NPAS3: variants seen among roughly 807,000 people sequenced by gnomAD.
NPAS3 encodes neuronal PAS domain protein 3.
NPAS3 carries 14 observed loss-of-function variants against 73.1 expected under a neutral mutation model. The observed-to-expected ratio is 0.19, with a 90% CI of 0.13 to 0.30. The LOEUF (loss-of-function observed/expected upper bound fraction) is 0.30. Among genes scored for constraint, NPAS3 ranks in the 10% least tolerant of loss-of-function variants. The probability of loss-of-function intolerance (pLI) is 1.00; values close to 1 mark genes in which losing one functional copy is unlikely to be tolerated. For synonymous variants in NPAS3, 620 were observed against 541.5 expected (o/e 1.14, Z -2.01); for missense variants, 1,096 against 1,250.0 (o/e 0.88, Z 1.86).
Position 33,470,953 on chromosome 14 carries a change from G to A in NPAS3, c.469-89168G>A, listed in dbSNP as rs116590345. The stretch of plus-strand genomic sequence containing the variant: ...ATATTTAAAAAAAAAAAAAAAGAAT[G>A]TTCTCTTTATGAAGTGGATACCAAC... On this transcript the variant is annotated intron_variant, in intron 4 of 11. Coordinates refer to ENST00000356141, the Ensembl canonical transcript of NPAS3. Among the ~76,000 whole-genome samples the A allele has an allele frequency of 1.7e-3, 252 of 147,766 alleles. 1 individual carries two copies. The highest frequency in any genetic ancestry group is 6.0e-3 in the African/African-American group (228 of 38,314).
chr14:33,564,899 C>A (rs115815280), intron 5 of NPAS3, among the ~76,000 whole-genome samples: 6 of 152,246 alleles, frequency 3.9e-5, no homozygotes, highest in Non-Finnish European at 8.8e-5. Flanking sequence ...AAATACCCTA[C>A]GTGCCAGCTA....
At chr14:33,736,281 A>G (rs1054150305) in intron 7 of NPAS3, among the ~76,000 whole-genome samples, 3 of 152,224 alleles carry the variant, frequency 2.0e-5, no homozygotes, top group African/African-American at 7.2e-5. Context: ...TCAGGAGACT[A>G]GCAGCTGTAT....
At chr14:33,139,546 A>C (rs1307879050) in intron 2 of NPAS3, among the ~76,000 whole-genome samples, 10 of 152,112 alleles carry the variant, frequency 6.6e-5, no homozygotes, top group Admixed American at 6.6e-4. Context: ...AATTATTTTT[A>C]AGCCCTGAGT....
chr14:33,460,671 A>G (rs2050220697), intron 4 of NPAS3, among the ~76,000 whole-genome samples: 1 of 152,176 alleles, frequency 6.6e-6, no homozygotes, highest in Non-Finnish European at 1.5e-5. Flanking sequence ...CCTCTTTTGC[A>G]AATTGATTCT....
At chr14:33,095,657 C>T (rs1441613770) in intron 2 of NPAS3, among the ~76,000 whole-genome samples, 5 of 97,634 alleles carry the variant, frequency 5.1e-5, no homozygotes, top group Non-Finnish European at 6.0e-5. Context: ...GCATTCTCTG[C>T]TTTTATTTTT....
intron 4 of NPAS3, among the ~76,000 whole-genome samples, chr14:33,489,257 CAATAT>C (rs1054029890): frequency 3.4e-4 from 51 of 152,044 alleles, no homozygotes; most frequent in African/African-American, 1.2e-3. Context: ...GAAGGAAAGT[CAATAT>C]AATATAGGGA....
At chr14:33,073,527 C>T (rs1364733769) in intron 2 of NPAS3, among the ~76,000 whole-genome samples, 1 of 152,072 alleles carries the variant, frequency 6.6e-6, no homozygotes, top group Admixed American at 6.6e-5. Context: ...TGTACAAGTC[C>T]AGAGAGCAAA....
At chr14:32,946,346 G>GCACACACACACACACACACA (rs5807694) in intron 1 of NPAS3, among the ~76,000 whole-genome samples, 9 of 131,872 alleles carry the variant, frequency 6.8e-5, no homozygotes, top group Non-Finnish European at 1.3e-4. Flanking sequence ...ACACACACAC[G>GCACACACACACACACACACA]CGCACACACA....
intron 2 of NPAS3, among the ~76,000 whole-genome samples, chr14:33,086,152 TG>T (rs2042018922): frequency 6.6e-6 from 1 of 152,196 alleles, no homozygotes; most frequent in African/African-American, 2.4e-5. Context: ...TTCCACTTAA[TG>T]GGCATTGGAA....
At chr14:33,190,573 T>C (rs1168992156) in intron 2 of NPAS3, among the ~76,000 whole-genome samples, 1 of 152,208 alleles carries the variant, frequency 6.6e-6, no homozygotes, top group Non-Finnish European at 1.5e-5. Context: ...TGTTAACAAG[T>C]GAGTCGAAAG....
chr14:33,560,083 T>A, intron 4 of NPAS3, 38 bp from the exon 5 acceptor site: 2 of 776,898 alleles, frequency 2.6e-6, no homozygotes, highest in Non-Finnish European at 4.4e-6. Flanking sequence ...TCCTTTGTAT[T>A]TATTAATCTA....
intron 2 of NPAS3, among the ~76,000 whole-genome samples, chr14:33,195,271 G>C (rs770945329): frequency 1.3e-4 from 20 of 150,286 alleles, no homozygotes; most frequent in African/African-American, 2.4e-4. Flanking sequence ...TTTTTGTTTT[G>C]TTTTCTTTTG....
intron 4 of NPAS3, among the ~76,000 whole-genome samples, chr14:33,486,909 C>T (rs144535746): frequency 1.5e-3 from 232 of 152,264 alleles, no homozygotes; most frequent in African/African-American, 5.1e-3. Flanking sequence ...ATTTTCAAGC[C>T]GCCTTGGCCT....
At chr14:33,686,547 T>C (rs2060094293) in intron 6 of NPAS3, among the ~76,000 whole-genome samples, 1 of 152,228 alleles carries the variant, frequency 6.6e-6, no homozygotes. Flanking sequence ...TCAGGCACTT[T>C]GCTAAACCCA....
intron 2 of NPAS3, among the ~76,000 whole-genome samples, chr14:33,087,659 A>C (rs998955634): frequency 6.6e-6 from 1 of 152,138 alleles, no homozygotes; most frequent in African/African-American, 2.4e-5. Context: ...TGGTTGGGGG[A>C]GAAATGTAAT....
chr14:33,199,653 TC>T (rs944599446), intron 2 of NPAS3, among the ~76,000 whole-genome samples: 9 of 138,056 alleles, frequency 6.5e-5, no homozygotes, highest in African/African-American at 2.2e-4. Flanking sequence ...CTTCCTTTCC[TC>T]CTTACCTTCC....
chr14:33,114,499 T>C (rs1022054352), intron 2 of NPAS3, among the ~76,000 whole-genome samples: 3 of 152,144 alleles, frequency 2.0e-5, no homozygotes, highest in African/African-American at 7.2e-5. Flanking sequence ...GTTACTGCCT[T>C]ATGAGAGACT....
intron 3 of NPAS3, among the ~76,000 whole-genome samples, chr14:33,324,084 G>T (rs565918379): frequency 1.3e-5 from 2 of 152,216 alleles, no homozygotes; most frequent in Non-Finnish European, 2.9e-5. Flanking sequence ...GACAGTGACC[G>T]CAGGCACCTG....
chr14:33,077,058 G>A (rs1595389022), intron 2 of NPAS3, among the ~76,000 whole-genome samples: 1 of 152,166 alleles, frequency 6.6e-6, no homozygotes. Flanking sequence ...ACAACAGTGG[G>A]TGAAACGGGC....
Sources: allele counts gnomAD v4.1 joint callset (sites outside exome capture counted in the v4.1 genomes callset), GRCh38; gene constraint gnomAD v4.1.1; transcripts MANE v1.5; gene names NCBI Gene and HGNC (gene_info 2026-07-23, HGNC 2026-07-21).